STX6: variants seen among roughly 807,000 people sequenced by gnomAD.
The protein encoded by STX6 is syntaxin-6.
In STX6, 23 loss-of-function variants were observed where a neutral mutation model predicts 38.0. That is an observed-to-expected ratio of 0.60 (90% CI 0.43 to 0.86). STX6 has a LOEUF of 0.86. Among genes scored for constraint, STX6 ranks in the 40% least tolerant of loss-of-function variants. STX6 has a pLI of 0.00. For missense variants in STX6, 274 were observed against 312.9 expected, an observed-to-expected ratio of 0.88 and a Z score of 0.94; for synonymous variants, 123 against 107.5, an observed-to-expected ratio of 1.14 and a Z score of -0.89.
intron 7 of STX6, among the ~76,000 whole-genome samples, chr1:180,979,427 T>C (rs998472965): frequency 2.0e-5 from 3 of 152,198 alleles, no homozygotes; most frequent in African/African-American, 7.2e-5. Context: ...AAGGAGCAAG[T>C]GCAATACAAC....
At chr1:181,014,911 G>T (rs931511324) in intron 1 of STX6, among the ~76,000 whole-genome samples, 1 of 152,040 alleles carries the variant, frequency 6.6e-6, no homozygotes, top group African/African-American at 2.4e-5. Context: ...TACAATTTTT[G>T]ACCCTAACTT....
At position 180,974,156 on chromosome 1, in the gene STX6, G is replaced by C. The variant is rs1397994289; in HGVS notation, c.*2414C>G. On this transcript the variant is annotated 3_prime_UTR_variant, in exon 8 of 8. Coordinates refer to ENST00000258301, the MANE Select transcript of STX6 (RefSeq NM_005819.6). ...TTGTTCTCTTTGGCTGCCACATTTG[G>C]AGCCTGAGTGGAGGCCCTTCAAATT... The C allele has an allele frequency of 6.6e-6, 1 of 152,216 alleles. No individual in the cohort carries two copies. Among genetic ancestry groups the C allele is most frequent in the Non-Finnish European group, 1.5e-5 (1 of 68,042 alleles). The allele number at this position is 152,216 out of a possible 1,614,324, so 9.4% of individuals were successfully genotyped here.
chr1:181,021,432 T>C (rs1389201237), intron 1 of STX6, among the ~76,000 whole-genome samples: 1 of 152,234 alleles, frequency 6.6e-6, no homozygotes, highest in Non-Finnish European at 1.5e-5. Context: ...GTAGTATAAA[T>C]GTATTTTACT....
intron 6 of STX6, chr1:180,987,994 C>A (rs7528255): frequency 0.69 from 245,131 of 356,514 alleles, 85,181 homozygotes; most frequent in African/African-American, 0.75. Flanking sequence ...TGCTCAGAGA[C>A]ATCTGTGTCT....
At chr1:180,976,835 T>C (rs1655271675) in intron 7 of STX6, among the ~76,000 whole-genome samples, 189 bp from the exon 8 acceptor site, 2 of 152,242 alleles carry the variant, frequency 1.3e-5, no homozygotes, top group South Asian at 4.1e-4. Flanking sequence ...GCACTTCGCA[T>C]GCAGTCACAA....
At chr1:181,019,753 CAACT>C (rs1656672651) in intron 1 of STX6, among the ~76,000 whole-genome samples, 2 of 152,178 alleles carry the variant, frequency 1.3e-5, no homozygotes, top group Non-Finnish European at 2.9e-5. Flanking sequence ...AAGCCACATA[CAACT>C]ACTGACTGGA....
chr1:180,976,772 A>T, intron 7 of STX6, 126 bp from the exon 8 acceptor site: 1 of 808,992 alleles, frequency 1.2e-6, no homozygotes, highest in Non-Finnish European at 2.0e-6. Flanking sequence ...CGGGGCCATG[A>T]TCTTACACCT....
At chr1:180,988,053 G>GT (rs2102307431) in intron 6 of STX6, 186 bp downstream of exon 6, 1 of 481,232 alleles carries the variant, frequency 2.1e-6, no homozygotes, top group African/African-American at 2.0e-5. Flanking sequence ...AAAGCCTGTA[G>GT]TAAAATTTAC....
chr1:180,986,146 C>T (rs1000323562), intron 6 of STX6, among the ~76,000 whole-genome samples: 1 of 152,210 alleles, frequency 6.6e-6, no homozygotes, highest in African/African-American at 2.4e-5. Flanking sequence ...TCAGGCACAT[C>T]ATCCGACCTT....
intron 4 of STX6, among the ~76,000 whole-genome samples, chr1:180,990,799 A>G (rs1229087027): frequency 1.3e-5 from 2 of 152,174 alleles, no homozygotes; most frequent in African/African-American, 2.4e-5. Flanking sequence ...GCTCCCAGAC[A>G]CAAGGGTCGG....
rs10646851 is a variant in STX6 at position 180,975,396 on chromosome 1, T to TAA, written c.*1172_*1173dup. Reference sequence around the variant, plus strand: ...TAGTGTCTCAGCAGTTTCAGCTACTTAAACTCAATTAAAGCATCTATCATT... The same window carrying TAA: ...TAGTGTCTCAGCAGTTTCAGCTACTTAAAAACTCAATTAAAGCATCTATCATT... On this transcript the variant is annotated 3_prime_UTR_variant, in exon 8 of 8. Transcript: ENST00000258301. The TAA allele has an allele frequency of 0.56, 85,581 of 152,284 alleles. 24,366 individuals are homozygous for TAA. Among genetic ancestry groups the TAA allele is most frequent in the East Asian group, 0.63 (3,267 of 5,166 alleles). The allele number at this position is 152,284 out of a possible 1,614,324, so 9.4% of individuals were successfully genotyped here. A position where few individuals can be genotyped will look rare whatever the true frequency, so the allele number is the denominator to read the frequency against.
chr1:181,010,396 G>C (rs370082230), intron 1 of STX6, among the ~76,000 whole-genome samples: 1 of 151,892 alleles, frequency 6.6e-6, no homozygotes, highest in East Asian at 1.9e-4. Flanking sequence ...CCACCTCCCG[G>C]GTTCAATCGA....
At chr1:181,005,691 A>T (rs1244128479) in intron 1 of STX6, among the ~76,000 whole-genome samples, 1 of 152,232 alleles carries the variant, frequency 6.6e-6, no homozygotes, top group Admixed American at 6.5e-5. Context: ...AAGCAGCTAC[A>T]ATATCAAGTT....
chr1:181,007,333 AGTCTGTACATGTTCAG>A, intron 1 of STX6, among the ~76,000 whole-genome samples: 1 of 152,076 alleles, frequency 6.6e-6, no homozygotes, highest in Non-Finnish European at 1.5e-5. Flanking sequence ...AAGAAAAAAA[AGTCTGTACATGTTCAG>A]TAGGGATGCA....
chr1:180,982,470 T>C (rs1196542811), intron 7 of STX6, among the ~76,000 whole-genome samples: 2 of 152,240 alleles, frequency 1.3e-5, no homozygotes, highest in East Asian at 1.9e-4. Flanking sequence ...AGTTATTACA[T>C]TGCTTCCCCA....
intron 4 of STX6, among the ~76,000 whole-genome samples, chr1:180,990,565 G>A (rs1655728517): frequency 6.6e-6 from 1 of 152,080 alleles, no homozygotes; most frequent in Non-Finnish European, 1.5e-5. Context: ...GGGGGGAAAG[G>A]GAGAGTTCCC....
At chr1:181,009,546 A>G (rs1656334522) in intron 1 of STX6, among the ~76,000 whole-genome samples, 1 of 152,228 alleles carries the variant, frequency 6.6e-6, no homozygotes, top group Non-Finnish European at 1.5e-5. Flanking sequence ...TAGCACAGGA[A>G]AAGATGCCCA....
At chr1:180,988,684 G>A in intron 5 of STX6, 1 of 206,774 alleles carries the variant, frequency 4.8e-6, no homozygotes, top group East Asian at 1.5e-4. Context: ...GGGGATGTTT[G>A]GGAGGAGGAA....
intron 7 of STX6, among the ~76,000 whole-genome samples, chr1:180,981,170 C>T (rs1158905449): frequency 1.3e-5 from 2 of 151,922 alleles, no homozygotes; most frequent in Non-Finnish European, 2.9e-5. Flanking sequence ...AGGTAAACAA[C>T]GGTCTTTGCG....
Sources: gnomAD v4.1 joint callset for allele counts (sites outside exome capture counted in the v4.1 genomes callset) on GRCh38, gnomAD v4.1.1 for gene constraint, MANE v1.5 for transcripts, NCBI Gene and HGNC (gene_info 2026-07-23, HGNC 2026-07-21) for gene names.